ARHGAP17: variants seen among roughly 807,000 people sequenced by gnomAD.
The protein encoded by ARHGAP17 is Rho GTPase activating protein 17.
Under a neutral mutation model 99.5 loss-of-function variants are expected in ARHGAP17, and 57 were observed. That is an observed-to-expected ratio of 0.57 (90% CI 0.46 to 0.71). The LOEUF (loss-of-function observed/expected upper bound fraction) is 0.71. Among genes scored for constraint, ARHGAP17 ranks in the 30% least tolerant of loss-of-function variants. The pLI is 0.00. For missense variants in ARHGAP17, 1,000 were observed against 1,122.4 expected (o/e 0.89, Z 1.56); for synonymous variants, 417 against 429.6 (o/e 0.97, Z 0.36).
intron 4 of ARHGAP17, 117 bp from the exon 5 acceptor site, chr16:24,968,889 AG>A: frequency 1.2e-6 from 1 of 839,296 alleles, no homozygotes; most frequent in Non-Finnish European, 1.9e-6. Flanking sequence ...CTACCTAACG[AG>A]CCTTGAAAAT....
chr16:25,005,710 G>GT (rs35686584), intron 1 of ARHGAP17, among the ~76,000 whole-genome samples: 49,084 of 152,070 alleles, frequency 0.32, 9,171 homozygotes, highest in East Asian at 0.53. Context: ...CACATACAGA[G>GT]AAAACTCATA....
intron 13 of ARHGAP17, among the ~76,000 whole-genome samples, chr16:24,948,150 C>T (rs1567222896): frequency 6.6e-6 from 1 of 152,080 alleles, no homozygotes; most frequent in South Asian, 2.1e-4. Flanking sequence ...ACCATCATTA[C>T]AAAATGTACT....
At position 24,919,894 on chromosome 16, in the gene ARHGAP17, C is replaced by T. The variant is rs2050675260; in HGVS notation, c.*236G>A. On this transcript the variant is annotated 3_prime_UTR_variant, in exon 20 of 20. Transcript: ENST00000289968. ...ACTTCTTTGTTTTGGATTTTTTTGG[C>T]ATGATTTCCTTCCCATGTAAAGAAA... The T allele has an allele frequency of 1.4e-5, 6 of 442,858 alleles. No individual in the cohort carries two copies. The Admixed American group carries it at 2.5e-4, about 18-fold the overall frequency. The allele number at this position is 442,858 out of a possible 1,614,324, so 27.4% of individuals were successfully genotyped here.
intron 19 of ARHGAP17, among the ~76,000 whole-genome samples, chr16:24,923,152 A>G (rs1379042965): frequency 6.6e-6 from 1 of 152,220 alleles, no homozygotes; most frequent in African/African-American, 2.4e-5. Flanking sequence ...AGTGTGGACC[A>G]AAGAGGATCA....
In ARHGAP17 at chr16:24,959,690, GGGGA is replaced by G; in HGVS notation, c.701_704del (p.Leu234ProfsTer20). On this transcript the variant is annotated frameshift_variant, in exon 9 of 20. Transcript: ENST00000289968. LOFTEE classifies it high-confidence loss of function. Reference sequence around the variant, plus strand: ...CATTACCTTGATGGGCTCGCATTTCGGGGAGGGTCTTTTCTAAGACTGCTAATGC... The same window carrying G: ...CATTACCTTGATGGGCTCGCATTTCGGGGTCTTTTCTAAGACTGCTAATGC... 6.2e-7 allele frequency: 1 copy of G among 1,614,038 alleles called. No homozygotes were observed. The highest frequency in any genetic ancestry group is 8.5e-7 in the Non-Finnish European group (1 of 1,180,004).
chr16:24,991,190 T>G (rs2053030488), intron 1 of ARHGAP17, among the ~76,000 whole-genome samples: 1 of 152,156 alleles, frequency 6.6e-6, no homozygotes, highest in South Asian at 2.1e-4. Context: ...TGCACCTTAC[T>G]AAGAAACATT....
chr16:24,979,270 C>A (rs921706913), intron 1 of ARHGAP17, among the ~76,000 whole-genome samples: 10 of 152,160 alleles, frequency 6.6e-5, no homozygotes, highest in African/African-American at 2.4e-4. Flanking sequence ...TGAGCAGGCA[C>A]AGAATCACCA....
intron 1 of ARHGAP17, among the ~76,000 whole-genome samples, chr16:25,008,597 T>C (rs2053565085): frequency 6.6e-6 from 1 of 152,140 alleles, no homozygotes; most frequent in Non-Finnish European, 1.5e-5. Flanking sequence ...AATAGAATGA[T>C]AAAGGTGAAA....
intron 19 of ARHGAP17, among the ~76,000 whole-genome samples, chr16:24,923,024 A>G (rs575678002): frequency 6.6e-6 from 1 of 152,270 alleles, no homozygotes; most frequent in Admixed American, 6.5e-5. Context: ...CAGAGACTGT[A>G]CTATACACCC....
chr16:24,961,101 T>C (rs2051983078), intron 7 of ARHGAP17, among the ~76,000 whole-genome samples: 1 of 151,650 alleles, frequency 6.6e-6, no homozygotes, highest in Non-Finnish European at 1.5e-5. Flanking sequence ...TGGCCTCAAG[T>C]GATCCACCCA....
intron 15 of ARHGAP17, among the ~76,000 whole-genome samples, 159 bp from the exon 16 acceptor site, chr16:24,942,302 A>C (rs1394542841): frequency 6.6e-6 from 1 of 152,230 alleles, no homozygotes; most frequent in Non-Finnish European, 1.5e-5. Flanking sequence ...AGAATGGTCC[A>C]TCAAACCAGT....
chr16:24,981,546 C>T (rs1051328449), intron 1 of ARHGAP17, among the ~76,000 whole-genome samples: 1 of 152,136 alleles, frequency 6.6e-6, no homozygotes, highest in Non-Finnish European at 1.5e-5. Context: ...ATAGTTTACA[C>T]ATATTACTTA....
At chr16:24,956,947 A>T (rs1567229472) in intron 9 of ARHGAP17, 1 of 152,226 alleles carries the variant, frequency 6.6e-6, no homozygotes, top group Non-Finnish European at 1.5e-5. Flanking sequence ...AGACGGACAG[A>T]GATTAAACAG....
chr16:24,980,160 G>A (rs2052633387), intron 1 of ARHGAP17, among the ~76,000 whole-genome samples: 1 of 152,212 alleles, frequency 6.6e-6, no homozygotes, highest in African/African-American at 2.4e-5. Context: ...AAAAGCTCTT[G>A]GGCCAGAAAG....
chr16:24,943,792 C>T lies in ARHGAP17; in HGVS notation c.1312G>A (p.Ala438Thr). 2 of 1,614,126 alleles carry T rather than the reference C, an allele frequency of 1.2e-6. No individual in the cohort carries two copies. Among genetic ancestry groups the T allele is most frequent in the South Asian group, 1.1e-5 (1 of 91,064 alleles). ...VAVIEPIIQHADWFFPEEVEF... is the reference protein window; with the variant it reads ...VAVIEPIIQHTDWFFPEEVEF... ...TTACCTTCAGGGAAGAACCAGTCGG[C>T]ATGCTGAATGATGGGTTCAATCACT... Residue 438 changes from alanine (A) to threonine (T), a missense_variant, in exon 15 of 20, where the codon GCC becomes ACC. Ala to Thr is a moderately conservative substitution (Grantham distance 58, BLOSUM62 0). Coordinates refer to ENST00000289968, the MANE Select transcript of ARHGAP17 (RefSeq NM_001006634.3).
At chr16:24,933,756 G>C (rs2051058265) in intron 18 of ARHGAP17, among the ~76,000 whole-genome samples, 1 of 152,076 alleles carries the variant, frequency 6.6e-6, no homozygotes, top group Non-Finnish European at 1.5e-5. Context: ...AGGGGGAGGG[G>C]GCTGGGAGAA....
Position 24,942,914 on chromosome 16 carries a change from C to T in ARHGAP17, c.1334-771G>A, listed in dbSNP as rs1050159603. Among the ~76,000 whole-genome samples the T allele has an allele frequency of 2.0e-5, 3 of 152,200 alleles. No homozygotes were observed. The South Asian group carries it at 6.2e-4, about 31-fold the overall frequency. ...AGCAGAATGCTAGCATTCGCTCATC[C>T]ATCCCATCCTCACTGGGCAACCTAT... On this transcript the variant is annotated intron_variant, in intron 15 of 19. Coordinates refer to ENST00000289968, the MANE Select transcript of ARHGAP17 (RefSeq NM_001006634.3).
At chr16:24,943,674 A>G in intron 15 of ARHGAP17, 97 bp downstream of exon 15, 1 of 1,062,470 alleles carries the variant, frequency 9.4e-7, no homozygotes. Context: ...CCAATTACGT[A>G]ATCATGAAGA....
chr16:24,937,117 A>G (rs1271504824), intron 17 of ARHGAP17, among the ~76,000 whole-genome samples: 4 of 114,274 alleles, frequency 3.5e-5, no homozygotes, highest in Non-Finnish European at 6.2e-5. Flanking sequence ...ACCCTGTCTG[A>G]AAAAAAAAAA....
Sources: gnomAD v4.1 joint callset for allele counts (sites outside exome capture counted in the v4.1 genomes callset) on GRCh38, gnomAD v4.1.1 for gene constraint, MANE v1.5 for transcripts, NCBI Gene and HGNC (gene_info 2026-07-23, HGNC 2026-07-21) for gene names.